RORA: variants seen among roughly 807,000 people sequenced by gnomAD.
The protein encoded by RORA is RAR related orphan receptor A, also known as nuclear receptor ROR-alpha.
RORA carries 7 observed loss-of-function variants against 69.5 expected under a neutral mutation model. That is an observed-to-expected ratio of 0.10 (90% CI 0.06 to 0.19). RORA has a LOEUF of 0.19. Ranked by LOEUF, RORA falls within the 10% of genes least tolerant of loss-of-function variation. The pLI, the probability that RORA is intolerant of heterozygous loss-of-function variation, is 1.00. For synonymous variants in RORA, 261 were observed against 240.8 expected, an observed-to-expected ratio of 1.08 and a Z score of -0.78; for missense variants, 457 against 663.0, an observed-to-expected ratio of 0.69 and a Z score of 3.41.
chr15:61,037,699 G>A (rs933375861), intron 1 of RORA, among the ~76,000 whole-genome samples: 31 of 152,154 alleles, frequency 2.0e-4, no homozygotes, highest in African/African-American at 7.2e-4. Flanking sequence ...AATACAAAGA[G>A]CAACAAGAAA....
At chr15:60,966,408 G>A (rs1650164287) in intron 1 of RORA, among the ~76,000 whole-genome samples, 1 of 152,122 alleles carries the variant, frequency 6.6e-6, no homozygotes, top group Non-Finnish European at 1.5e-5. Context: ...TTCCCAGCTG[G>A]CTCGCACATT....
chr15:60,491,468 C>T lies in RORA; in HGVS notation c.*5987G>A, dbSNP rs2065039788. On this transcript the variant is annotated 3_prime_UTR_variant, in exon 11 of 11. Transcript: ENST00000335670. Reference sequence around the variant, plus strand: ...CATCTATTTAAAATATTCATATTCACTTTCTCAATATAAGACTCCATGTTA... The same window carrying T: ...CATCTATTTAAAATATTCATATTCATTTTCTCAATATAAGACTCCATGTTA... 6.6e-6 allele frequency: 1 copy of T among 152,086 alleles called. No individual in the cohort carries two copies. The highest frequency in any genetic ancestry group is 2.4e-5 in the African/African-American group (1 of 41,420). 9.4% of individuals were successfully genotyped at this position (152,086 alleles called of 1,614,324 possible).
chr15:60,706,554 T>C (rs1370935846), intron 1 of RORA, among the ~76,000 whole-genome samples: 1 of 152,208 alleles, frequency 6.6e-6, no homozygotes, highest in Non-Finnish European at 1.5e-5. Flanking sequence ...ACATCTTTTG[T>C]ATCAAGATAA....
At chr15:61,015,513 G>C (rs1190422907) in intron 1 of RORA, among the ~76,000 whole-genome samples, 1 of 152,016 alleles carries the variant, frequency 6.6e-6, no homozygotes, top group African/African-American at 2.4e-5. Flanking sequence ...TTGCTCACCT[G>C]CAATTTCTAA....
chr15:60,867,814 A>C (rs1162580531), intron 1 of RORA, among the ~76,000 whole-genome samples: 2 of 152,172 alleles, frequency 1.3e-5, no homozygotes, highest in African/African-American at 4.8e-5. Flanking sequence ...GATTAATAAG[A>C]ACTGTGAATT....
intron 1 of RORA, among the ~76,000 whole-genome samples, chr15:61,002,732 G>A (rs71411439): frequency 1.4e-4 from 22 of 152,100 alleles, no homozygotes; most frequent in Non-Finnish European, 2.9e-4. Flanking sequence ...ATCCATGGAG[G>A]TGATGCTCCA....
At chr15:60,635,267 A>G (rs1025809926) in intron 2 of RORA, among the ~76,000 whole-genome samples, 1 of 152,170 alleles carries the variant, frequency 6.6e-6, no homozygotes, top group South Asian at 2.1e-4. Flanking sequence ...GTTTTAACTT[A>G]TTCTTAGTAG....
intron 2 of RORA, among the ~76,000 whole-genome samples, chr15:60,625,595 T>C (rs1250475915): frequency 6.6e-6 from 1 of 152,230 alleles, no homozygotes; most frequent in African/African-American, 2.4e-5. Flanking sequence ...TGGTGTATCA[T>C]TAAAATGGAA....
intron 1 of RORA, among the ~76,000 whole-genome samples, chr15:60,826,775 CTCTCTCTCTCTCTCTTTTTTT>C (rs1423944527): frequency 4.4e-5 from 5 of 113,814 alleles, no homozygotes; most frequent in Non-Finnish European, 6.3e-5. Context: ...CCCTCTCTCT[CTCTCTCTCTCTCTCTTTTTTT>C]TTTAAAGACA....
intron 1 of RORA, among the ~76,000 whole-genome samples, chr15:60,843,436 C>T (rs1360642905): frequency 1.1e-4 from 17 of 152,092 alleles, no homozygotes; most frequent in Admixed American, 1.1e-3. Flanking sequence ...TGGTAGAGCC[C>T]ACACAGTTCC....
intron 1 of RORA, among the ~76,000 whole-genome samples, chr15:61,101,322 G>C (rs1483253359): frequency 6.6e-6 from 1 of 152,162 alleles, no homozygotes; most frequent in Non-Finnish European, 1.5e-5. Context: ...AAAGTAAATG[G>C]AAGCAAAGTA....
chr15:60,734,027 G>A (rs1004315977), intron 1 of RORA, among the ~76,000 whole-genome samples: 10 of 151,884 alleles, frequency 6.6e-5, no homozygotes, highest in African/African-American at 9.7e-5. Flanking sequence ...TGGCAGAGTG[G>A]GAGGAGAGAG....
chr15:61,037,068 T>C (rs897021725), intron 1 of RORA, among the ~76,000 whole-genome samples: 2 of 152,152 alleles, frequency 1.3e-5, no homozygotes, highest in Admixed American at 1.3e-4. Context: ...AGCTAGACTA[T>C]AGGAATTCAA....
intron 1 of RORA, among the ~76,000 whole-genome samples, chr15:60,887,882 C>T (rs2073769093): frequency 6.6e-6 from 1 of 152,204 alleles, no homozygotes; most frequent in Non-Finnish European, 1.5e-5. Flanking sequence ...TCCCTCACAT[C>T]TTACTTCACA....
chr15:60,540,576 C>CTG (rs1555428643), intron 2 of RORA, among the ~76,000 whole-genome samples: 1 of 115,326 alleles, frequency 8.7e-6, no homozygotes, highest in African/African-American at 2.9e-5. Flanking sequence ...CCCCCCCCCC[C>CTG]AAAACTGTGC....
At position 60,496,621 on chromosome 15, in the gene RORA, C is replaced by T. The variant is rs751591045; in HGVS notation, c.*834G>A. 7.2e-5 allele frequency: 11 copies of T among 152,096 alleles called. No homozygotes were observed. The highest frequency in any genetic ancestry group is 2.0e-4 in the Admixed American group (3 of 15,274). 9.4% of individuals were successfully genotyped at this position (152,096 alleles called of 1,614,324 possible). A position where few individuals can be genotyped will look rare whatever the true frequency, so the allele number is the denominator to read the frequency against. ...TTCACATGTTAAAAAAAAAATCCAA[C>T]GTGGTGATTTCTAGATATGACCAGC... is the stretch of plus-strand genomic sequence containing the variant. On this transcript the variant is annotated 3_prime_UTR_variant, in exon 11 of 11. Transcript: ENST00000335670. This position sits in a 1 kb window ranked among gnomAD's most constrained non-coding sequence, Gnocchi z 4.5.
At chr15:60,649,007 G>A (rs889584091) in intron 2 of RORA, among the ~76,000 whole-genome samples, 3 of 152,104 alleles carry the variant, frequency 2.0e-5, no homozygotes, top group Non-Finnish European at 2.9e-5. Flanking sequence ...CTCCTCACAG[G>A]TGCTCTTGGC....
chr15:61,183,147 G>C (rs939639884), intron 1 of RORA: 1 of 152,290 alleles, frequency 6.6e-6, no homozygotes, highest in Non-Finnish European at 1.5e-5. Context: ...CATGGTTACA[G>C]AGGTTAACTT....
chr15:61,192,227 G>A (rs1485467183), intron 1 of RORA, among the ~76,000 whole-genome samples: 1 of 152,226 alleles, frequency 6.6e-6, no homozygotes, highest in Non-Finnish European at 1.5e-5. Context: ...CATTTAGACA[G>A]GCTGCTCTTC....
Sources: gnomAD v4.1 joint callset for allele counts (sites outside exome capture counted in the v4.1 genomes callset) on GRCh38, gnomAD v4.1.1 for gene constraint, Gnocchi (gnomAD v3.1) non-coding constraint, MANE v1.5 for transcripts, NCBI Gene and HGNC (gene_info 2026-07-23, HGNC 2026-07-21) for gene names.